Variants in FKBP6 observed in about 807,000 individuals in gnomAD.
FKBP6 encodes the protein inactive peptidyl-prolyl cis-trans isomerase FKBP6.
FKBP6 carries 29 observed loss-of-function variants against 41.7 expected under a neutral mutation model. That is an observed-to-expected ratio of 0.70 (90% CI 0.52 to 0.95). The LOEUF (loss-of-function observed/expected upper bound fraction) is 0.95. Among genes scored for constraint, FKBP6 ranks in the 40% least tolerant of loss-of-function variants. FKBP6 has a pLI of 0.00. For synonymous variants in FKBP6, 130 were observed against 165.1 expected (o/e 0.79, Z 1.63); for missense variants, 338 against 408.7 (o/e 0.83, Z 1.49).
intron 5 of FKBP6, among the ~76,000 whole-genome samples, chr7:73,332,523 G>A (rs1563311994): frequency 6.6e-6 from 1 of 151,860 alleles, no homozygotes; most frequent in Non-Finnish European, 1.5e-5. Context: ...ATGCCAAAGG[G>A]ATAAGTACTG....
intron 8 of FKBP6, among the ~76,000 whole-genome samples, chr7:73,347,405 A>G (rs1053139908): frequency 3.3e-5 from 5 of 152,212 alleles, no homozygotes; most frequent in Admixed American, 2.6e-4. Context: ...CGCTGCATAT[A>G]CACAGGGAAC....
At chr7:73,342,300 G>A (rs1027248785) in intron 7 of FKBP6, among the ~76,000 whole-genome samples, 1 of 152,152 alleles carries the variant, frequency 6.6e-6, no homozygotes, top group East Asian at 1.9e-4. Flanking sequence ...TTCTGTAATG[G>A]TGAAATTCTC....
At chr7:73,336,092 C>T (rs556675327) in intron 5 of FKBP6, among the ~76,000 whole-genome samples, 14 of 152,186 alleles carry the variant, frequency 9.2e-5, no homozygotes, top group Non-Finnish European at 1.8e-4. Context: ...CTAACCAATA[C>T]CTATGGTCTG....
intron 6 of FKBP6, among the ~76,000 whole-genome samples, chr7:73,341,045 T>C (rs1805166394): frequency 6.7e-6 from 1 of 150,290 alleles, no homozygotes; most frequent in African/African-American, 2.4e-5. Flanking sequence ...TGCCTCAGCC[T>C]CTCAAGTAGC....
intron 5 of FKBP6, among the ~76,000 whole-genome samples, chr7:73,334,231 G>A (rs1047048996): frequency 6.6e-6 from 1 of 152,150 alleles, no homozygotes; most frequent in African/African-American, 2.4e-5. Flanking sequence ...TTACGGTGAT[G>A]TGCCTCTGCG....
intron 8 of FKBP6, among the ~76,000 whole-genome samples, chr7:73,354,549 G>A (rs1805576235): frequency 6.6e-6 from 1 of 152,202 alleles, no homozygotes; most frequent in Admixed American, 6.5e-5. Flanking sequence ...AGTCCCAAGG[G>A]GTGAGGACTC....
intron 8 of FKBP6, among the ~76,000 whole-genome samples, chr7:73,348,463 A>G (rs1198157271): frequency 6.6e-6 from 1 of 151,688 alleles, no homozygotes; most frequent in East Asian, 1.9e-4. Flanking sequence ...TTCCTTCTAT[A>G]CTCTCCTTCG....
chr7:73,357,021 TC>T (rs1206161700), intron 8 of FKBP6, among the ~76,000 whole-genome samples: 5 of 151,892 alleles, frequency 3.3e-5, no homozygotes, highest in African/African-American at 7.3e-5. Flanking sequence ...CCTCAGGTGA[TC>T]CCCCCCAGCT....
chr7:73,347,052 G>C (rs1377300810), intron 8 of FKBP6, among the ~76,000 whole-genome samples: 1 of 152,180 alleles, frequency 6.6e-6, no homozygotes, highest in Non-Finnish European at 1.5e-5. Context: ...GCAGGACCAG[G>C]GGTGCAGGGC....
Position 73,328,236 on chromosome 7 carries a change from G to A in FKBP6, c.-193G>A, listed in dbSNP as rs1364920184. 2 of 1,549,112 alleles carry A rather than the reference G, an allele frequency of 1.3e-6. No homozygotes were observed. Among genetic ancestry groups the A allele is most frequent in the African/African-American group, 2.7e-5 (2 of 73,122 alleles). ...TGGCCTCTGTAGTTCCAGAGCTCGC[G>A]AGGGCCAGGGCCGTTGGCGGCGGTT... On this transcript the variant is annotated 5_prime_UTR_variant, in exon 1 of 9. Coordinates refer to ENST00000252037, the MANE Select transcript of FKBP6 (RefSeq NM_003602.5).
chr7:73,356,020 C>A (rs886934412), intron 8 of FKBP6, among the ~76,000 whole-genome samples: 1 of 131,214 alleles, frequency 7.6e-6, no homozygotes, highest in African/African-American at 2.9e-5. Flanking sequence ...CAGCAGAGAT[C>A]GTGCCACTGC....
chr7:73,354,215 A>G (rs1303301441), intron 8 of FKBP6, among the ~76,000 whole-genome samples: 1 of 152,224 alleles, frequency 6.6e-6, no homozygotes, highest in Non-Finnish European at 1.5e-5. Context: ...CAGACCACTC[A>G]GCTCCATGCG....
chr7:73,355,186 G>C (rs190588979), intron 8 of FKBP6, among the ~76,000 whole-genome samples: 2 of 152,218 alleles, frequency 1.3e-5, no homozygotes, highest in Non-Finnish European at 2.9e-5. Context: ...AGCCTGGTTC[G>C]TAGGAATGGA....
In FKBP6 at chr7:73,329,756, A is replaced by G. The variant is rs1804776023; in HGVS notation, c.265+307A>G. On this transcript the variant is annotated intron_variant, in intron 3 of 8. Transcript: ENST00000252037. ...AATACATGGTGAAAAGAGAGGATGTACTCAGAAGATTAGAACATCTCCACC... is the reference window on the plus strand; with the variant it reads ...AATACATGGTGAAAAGAGAGGATGTGCTCAGAAGATTAGAACATCTCCACC... 4 of 537,162 alleles carry G rather than the reference A, an allele frequency of 7.4e-6. No homozygotes were observed. The Admixed American group carries it at 1.3e-4, about 17-fold the overall frequency. 33.3% of individuals were successfully genotyped at this position (537,162 alleles called of 1,614,324 possible).
intron 5 of FKBP6, among the ~76,000 whole-genome samples, chr7:73,338,015 A>G (rs976212300): frequency 1.3e-5 from 2 of 152,084 alleles, no homozygotes; most frequent in Admixed American, 1.3e-4. Flanking sequence ...AGCTTGTACA[A>G]ACCTCATTCT....
intron 4 of FKBP6, among the ~76,000 whole-genome samples, 182 bp from the exon 5 acceptor site, chr7:73,331,472 AAAG>A (rs558959728): frequency 2.6e-5 from 4 of 152,228 alleles, no homozygotes; most frequent in African/African-American, 7.2e-5. Flanking sequence ...ATGATCTGAA[AAAG>A]AAGAGCTCAC....
chr7:73,350,336 G>A (rs1431561546), intron 8 of FKBP6, among the ~76,000 whole-genome samples: 2 of 152,158 alleles, frequency 1.3e-5, no homozygotes, highest in Non-Finnish European at 2.9e-5. Context: ...TGGGGAAGGA[G>A]TAAAGCTTAG....
chr7:73,341,342 T>G lies in FKBP6; in HGVS notation c.853T>G (p.Phe285Val). 6.2e-7 allele frequency: 1 copy of G among 1,613,360 alleles called. No homozygotes were observed. Among genetic ancestry groups the G allele is most frequent in the Non-Finnish European group, 8.5e-7 (1 of 1,179,242 alleles). Residue 285 changes from phenylalanine (F) to valine (V), a missense_variant, in exon 7 of 9, where the codon TTC (phenylalanine) becomes GTC (valine). By Grantham distance (50) the Phe-to-Val change is conservative. Transcript: ENST00000252037. ...FLVRAQKEQP[F>V]NHDINNELKK... ...AGTTCGAGCCCAGAAGGAGCAACCCTTCAATCATGACATCAATAATGAGCT... is the reference window on the plus strand; with the variant it reads ...AGTTCGAGCCCAGAAGGAGCAACCCGTCAATCATGACATCAATAATGAGCT...
In FKBP6 at chr7:73,345,222, GAA is replaced by G. The variant is rs1156457847; in HGVS notation, c.*2+2343_*2+2344del. Among the ~76,000 whole-genome samples, 16 of 66,650 alleles carry G rather than the reference GAA, an allele frequency of 2.4e-4. No individual in the cohort carries two copies. The East Asian group carries it at 2.6e-3, about 11-fold the overall frequency. The allele number at this position is 66,650 out of a possible 152,430, so 43.7% of individuals were successfully genotyped here. On this transcript the variant is annotated intron_variant, in intron 8 of 8. Coordinates refer to ENST00000252037, the MANE Select transcript of FKBP6 (RefSeq NM_003602.5). ...AGAAACCTATCTTTAGCATCAGCCA[GAA>G]AAAAAAAAAAAAAAAAAAAGATTTG...
Sources: allele counts gnomAD v4.1 joint callset (sites outside exome capture counted in the v4.1 genomes callset), GRCh38; gene constraint gnomAD v4.1.1; transcripts MANE v1.5; gene names NCBI Gene and HGNC (gene_info 2026-07-23, HGNC 2026-07-21).